CNTNAP5: variants seen among roughly 807,000 people sequenced by gnomAD.
CNTNAP5 encodes contactin associated protein family member 5.
A neutral mutation model predicts 150.2 loss-of-function variants in CNTNAP5; 72 were observed. The ratio of observed to expected loss-of-function variants is 0.48; its 90% CI spans 0.40 to 0.58. The LOEUF is 0.58. CNTNAP5 is among the 20% of genes least tolerant of loss of function. The probability of loss-of-function intolerance (pLI) is 0.00; values close to 1 mark genes in which losing one functional copy is unlikely to be tolerated. For missense variants in CNTNAP5, 1,636 were observed against 1,626.2 expected, an observed-to-expected ratio of 1.01 and a Z score of -0.10; for synonymous variants, 672 against 619.8, an observed-to-expected ratio of 1.08 and a Z score of -1.25.
At chr2:124,599,262 C>G (rs1161135597) in intron 11 of CNTNAP5, among the ~76,000 whole-genome samples, 1 of 152,146 alleles carries the variant, frequency 6.6e-6, no homozygotes, top group Non-Finnish European at 1.5e-5. Flanking sequence ...CATATAGTTT[C>G]CCAATTATCT....
intron 2 of CNTNAP5, among the ~76,000 whole-genome samples, chr2:124,224,191 G>A (rs1686400927): frequency 1.3e-5 from 2 of 152,108 alleles, no homozygotes; most frequent in South Asian, 4.1e-4. Context: ...AACAAGAGTT[G>A]CAAATTGCTA....
intron 3 of CNTNAP5, among the ~76,000 whole-genome samples, chr2:124,372,012 T>A (rs1342818987): frequency 6.6e-6 from 1 of 151,896 alleles, no homozygotes; most frequent in Non-Finnish European, 1.5e-5. Flanking sequence ...CATGTGTGAG[T>A]CAGTAGACAG....
intron 19 of CNTNAP5, among the ~76,000 whole-genome samples, chr2:124,814,721 A>G (rs1682312279): frequency 6.6e-6 from 1 of 152,234 alleles, no homozygotes; most frequent in Admixed American, 6.5e-5. Context: ...AACCTTGCTT[A>G]AAAGCACAGA....
At chr2:124,496,837 C>A (rs1694160765) in intron 7 of CNTNAP5, among the ~76,000 whole-genome samples, 1 of 152,238 alleles carries the variant, frequency 6.6e-6, no homozygotes, top group South Asian at 2.1e-4. Context: ...TTCACCAACC[C>A]ATGCATCCCC....
At chr2:124,076,083 A>T (rs1333317772) in intron 1 of CNTNAP5, among the ~76,000 whole-genome samples, 1 of 152,172 alleles carries the variant, frequency 6.6e-6, no homozygotes, top group Non-Finnish European at 1.5e-5. Flanking sequence ...CCCAATGATT[A>T]TATGTATTAA....
At chr2:124,449,179 CTT>C (rs1213914658) in intron 6 of CNTNAP5, among the ~76,000 whole-genome samples, 1 of 152,182 alleles carries the variant, frequency 6.6e-6, no homozygotes, top group Non-Finnish European at 1.5e-5. Flanking sequence ...ATTTGTCACT[CTT>C]TGACTCAGAA....
chr2:124,656,844 T>A (rs1342950374), intron 13 of CNTNAP5, among the ~76,000 whole-genome samples: 1 of 152,180 alleles, frequency 6.6e-6, no homozygotes, highest in African/African-American at 2.4e-5. Context: ...GAATACAATG[T>A]TCTAATATTA....
chr2:124,273,119 T>G (rs1213848235), intron 3 of CNTNAP5, among the ~76,000 whole-genome samples: 1 of 152,194 alleles, frequency 6.6e-6, no homozygotes, highest in Non-Finnish European at 1.5e-5. Context: ...AGATAAAGTG[T>G]GCAACATACC....
At chr2:124,456,811 G>A (rs1047290414) in intron 6 of CNTNAP5, among the ~76,000 whole-genome samples, 1 of 152,130 alleles carries the variant, frequency 6.6e-6, no homozygotes, top group African/African-American at 2.4e-5. Context: ...AAACAAAAGT[G>A]GAGAAAGGTC....
chr2:124,887,070 A>G (rs1051371870), intron 21 of CNTNAP5, among the ~76,000 whole-genome samples: 1 of 151,918 alleles, frequency 6.6e-6, no homozygotes, highest in Non-Finnish European at 1.5e-5. Flanking sequence ...TGTAGTCTGG[A>G]CTCTGAAGTA....
chr2:124,533,830 G>A (rs1427485182), intron 10 of CNTNAP5, among the ~76,000 whole-genome samples: 1 of 152,218 alleles, frequency 6.6e-6, no homozygotes, highest in Non-Finnish European at 1.5e-5. Context: ...CTGGAGGAAA[G>A]TGTGGTTCTA....
chr2:124,511,595 C>T (rs1447319990), intron 8 of CNTNAP5, among the ~76,000 whole-genome samples: 2 of 152,180 alleles, frequency 1.3e-5, no homozygotes, highest in Non-Finnish European at 2.9e-5. Context: ...ATGGATGCTC[C>T]CTCCAGCACT....
intron 19 of CNTNAP5, among the ~76,000 whole-genome samples, chr2:124,806,747 G>A (rs1312208259): frequency 6.6e-6 from 1 of 152,190 alleles, no homozygotes; most frequent in Non-Finnish European, 1.5e-5. Context: ...GTAAATGTGG[G>A]ATAATCTTGT....
intron 1 of CNTNAP5, among the ~76,000 whole-genome samples, chr2:124,155,305 T>C (rs1008066201): frequency 2.6e-5 from 4 of 152,276 alleles, no homozygotes; most frequent in Non-Finnish European, 4.4e-5. Context: ...TTTCAGTTCC[T>C]TCAGCTACTG....
intron 18 of CNTNAP5, among the ~76,000 whole-genome samples, chr2:124,790,555 A>G (rs568199821): frequency 6.6e-6 from 1 of 152,224 alleles, no homozygotes; most frequent in African/African-American, 2.4e-5. Context: ...TATTTTTTAC[A>G]ACAAAGAGAA....
At chr2:124,646,549 C>T (rs769531372) in intron 12 of CNTNAP5, among the ~76,000 whole-genome samples, 1 of 152,194 alleles carries the variant, frequency 6.6e-6, no homozygotes, top group Non-Finnish European at 1.5e-5. Context: ...GGGCAAGATT[C>T]TCAGATGACA....
At chr2:124,783,847 G>T (rs1015663229) in intron 17 of CNTNAP5, among the ~76,000 whole-genome samples, 1 of 152,118 alleles carries the variant, frequency 6.6e-6, no homozygotes, top group Non-Finnish European at 1.5e-5. Flanking sequence ...TCCTGAGCAA[G>T]AAATCTCTCT....
At chr2:124,676,714 G>T (rs1288575562) in intron 13 of CNTNAP5, among the ~76,000 whole-genome samples, 1 of 152,162 alleles carries the variant, frequency 6.6e-6, no homozygotes, top group East Asian at 1.9e-4. Context: ...TTTCGAGGCT[G>T]CCATGGAGCT....
chr2:124,659,413 G>A (rs569023037), intron 13 of CNTNAP5, among the ~76,000 whole-genome samples: 109 of 152,200 alleles, frequency 7.2e-4, no homozygotes, highest in Non-Finnish European at 1.3e-3. Flanking sequence ...CAGTGGAAAT[G>A]TTTTAGCCTC....
Sources: gnomAD v4.1 joint callset for allele counts (sites outside exome capture counted in the v4.1 genomes callset) on GRCh38, gnomAD v4.1.1 for gene constraint, MANE v1.5 for transcripts, NCBI Gene and HGNC (gene_info 2026-07-23, HGNC 2026-07-21) for gene names.